The following DESI2 variants were observed in gnomAD, a reference collection of about 807,000 sequenced individuals.
DESI2 encodes the protein desumoylating isopeptidase 2, also known as deubiquitinase DESI2.
DESI2 carries 10 observed loss-of-function variants against 24.1 expected under a neutral mutation model. That is an observed-to-expected ratio of 0.41 (90% CI 0.26 to 0.70). The LOEUF is 0.70. DESI2 is among the 30% of genes least tolerant of loss of function. The pLI, the probability that DESI2 is intolerant of heterozygous loss-of-function variation, is 0.29. For synonymous variants in DESI2, 71 were observed against 87.7 expected (o/e 0.81, Z 1.06); for missense variants, 122 against 234.9 (o/e 0.52, Z 3.14).
chr1:244,687,405 C>CA (rs1004372221), intron 2 of DESI2, among the ~76,000 whole-genome samples: 27 of 152,176 alleles, frequency 1.8e-4, no homozygotes, highest in African/African-American at 5.8e-4. Context: ...CTGCGTAAGA[C>CA]AGATCACATT....
chr1:244,702,093 T>TTA (rs1426341164), intron 4 of DESI2, among the ~76,000 whole-genome samples: 1 of 152,224 alleles, frequency 6.6e-6, no homozygotes, highest in African/African-American at 2.4e-5. Flanking sequence ...GTGACCCAGT[T>TTA]TACACACACA....
intron 1 of DESI2, among the ~76,000 whole-genome samples, chr1:244,668,200 A>G (rs568048721): frequency 1.3e-5 from 2 of 152,278 alleles, no homozygotes; most frequent in South Asian, 2.1e-4. Flanking sequence ...TGTTCAATCA[A>G]AGTTGCTTTG....
At chr1:244,659,130 A>T (rs1386146873) in intron 1 of DESI2, among the ~76,000 whole-genome samples, 2 of 150,642 alleles carry the variant, frequency 1.3e-5, no homozygotes, top group African/African-American at 2.5e-5. Context: ...GCTAAGCAAA[A>T]GGACAGTTGT....
intron 1 of DESI2, among the ~76,000 whole-genome samples, chr1:244,677,261 G>A (rs1365485262): frequency 1.3e-5 from 2 of 152,086 alleles, no homozygotes; most frequent in Admixed American, 1.3e-4. Context: ...TAGATTTTCT[G>A]TATCTTCTTG....
chr1:244,677,526 A>G (rs1237659274), intron 1 of DESI2, among the ~76,000 whole-genome samples: 1 of 152,216 alleles, frequency 6.6e-6, no homozygotes, highest in Non-Finnish European at 1.5e-5. Flanking sequence ...TACTGAGTTC[A>G]TCATTATTAT....
At chr1:244,680,948 C>CT (rs34557918) in intron 1 of DESI2, among the ~76,000 whole-genome samples, 14,310 of 141,038 alleles carry the variant, frequency 0.1, 864 homozygotes, top group South Asian at 0.22. Context: ...CCTCCTTTTA[C>CT]TTTTTTTTTT....
In DESI2 at chr1:244,653,260, G is replaced by A; in HGVS notation, c.-54G>A. 3 of 1,456,448 alleles carry A rather than the reference G, an allele frequency of 2.1e-6. No homozygotes were observed. Among genetic ancestry groups the A allele is most frequent in the African/African-American group, 1.5e-5 (1 of 67,280 alleles). 90.2% of individuals were successfully genotyped at this position (1,456,448 alleles called of 1,614,324 possible). On this transcript the variant is annotated 5_prime_UTR_variant, in exon 1 of 5. Coordinates refer to ENST00000302550, the MANE Select transcript of DESI2 (RefSeq NM_016076.5). Reference sequence around the variant, plus strand: ...GCCCGCGGGGGTGAGAGCGGCCTCCGGCCCCGCGGAGACGGAGCGGCTTGA... The same window carrying A: ...GCCCGCGGGGGTGAGAGCGGCCTCCAGCCCCGCGGAGACGGAGCGGCTTGA...
At chr1:244,694,472 A>C in intron 4 of DESI2, 1 of 787,142 alleles carries the variant, frequency 1.3e-6, no homozygotes, top group Non-Finnish European at 2.3e-6. Flanking sequence ...TCTTGGGTTT[A>C]GGTGGTGTTC....
At chr1:244,653,405 C>G (rs1426905356) in intron 1 of DESI2, 50 bp downstream of exon 1, 8 of 1,529,716 alleles carry the variant, frequency 5.2e-6, no homozygotes, top group South Asian at 5.0e-5. Context: ...CCGGCTTCCT[C>G]TCGCCCGTGG....
chr1:244,692,647 CTG>C (rs927042562), intron 4 of DESI2, among the ~76,000 whole-genome samples: 1 of 152,220 alleles, frequency 6.6e-6, no homozygotes, highest in Non-Finnish European at 1.5e-5. Context: ...GCCACAGAAA[CTG>C]TGAAGGGTGT....
intron 1 of DESI2, among the ~76,000 whole-genome samples, chr1:244,672,838 T>C (rs1435814384): frequency 6.6e-6 from 1 of 151,784 alleles, no homozygotes. Context: ...GATCGCCCCA[T>C]TGCACTCCAG....
At chr1:244,699,863 G>A (rs990358914) in intron 4 of DESI2, among the ~76,000 whole-genome samples, 9 of 152,086 alleles carry the variant, frequency 5.9e-5, no homozygotes, top group Non-Finnish European at 1.2e-4. Flanking sequence ...TTTTTAAGAT[G>A]CTGCAAGCAC....
At chr1:244,682,408 C>A (rs1240145199) in intron 1 of DESI2, among the ~76,000 whole-genome samples, 1 of 152,184 alleles carries the variant, frequency 6.6e-6, no homozygotes, top group East Asian at 1.9e-4. Flanking sequence ...CTTCTCACTT[C>A]TTTTTCTATT....
intron 1 of DESI2, among the ~76,000 whole-genome samples, chr1:244,664,232 T>G (rs1259666636): frequency 2.6e-5 from 4 of 152,120 alleles, no homozygotes. Flanking sequence ...GAACAAACCT[T>G]GGGTGAGAGA....
At chr1:244,654,173 C>T in intron 1 of DESI2, 1 of 377,394 alleles carries the variant, frequency 2.6e-6, no homozygotes, top group South Asian at 2.0e-5. Flanking sequence ...CAGAAAAAAG[C>T]ACCCGGTAGA....
chr1:244,691,397 T>A (rs1278772306), intron 3 of DESI2, among the ~76,000 whole-genome samples: 1 of 150,248 alleles, frequency 6.7e-6, no homozygotes, highest in Non-Finnish European at 1.5e-5. Context: ...CCAGGGTCCT[T>A]CTTTTTAAAA....
chr1:244,653,961 C>T (rs771923988), intron 1 of DESI2: 4 of 471,044 alleles, frequency 8.5e-6, no homozygotes, highest in South Asian at 4.6e-5. Context: ...AAGAAAATAG[C>T]CCAGCTGAAT....
intron 4 of DESI2, among the ~76,000 whole-genome samples, chr1:244,699,406 C>G (rs1268505258): frequency 6.9e-6 from 1 of 145,894 alleles, no homozygotes; most frequent in Non-Finnish European, 1.5e-5. Context: ...ACAGGATGTA[C>G]AACAGGATGT....
Position 244,702,242 on chromosome 1 carries a change from G to A in DESI2, c.352-3314G>A, listed in dbSNP as rs542103176. On this transcript the variant is annotated intron_variant, in intron 4 of 4. Coordinates refer to ENST00000302550, the MANE Select transcript of DESI2 (RefSeq NM_016076.5). ...TAAAAACATTGGCTTGGCTGGGCAC[G>A]GTGGCTCACGCCTGTAATCCCGACA... Among the ~76,000 whole-genome samples, 40 of 152,312 alleles carry A rather than the reference G, an allele frequency of 2.6e-4. No homozygotes were observed. In the South Asian group the frequency reaches 5.0e-3, roughly 19 times the overall value.
Sources: gnomAD v4.1 joint callset for allele counts (sites outside exome capture counted in the v4.1 genomes callset) on GRCh38, gnomAD v4.1.1 for gene constraint, MANE v1.5 for transcripts, NCBI Gene and HGNC (gene_info 2026-07-23, HGNC 2026-07-21) for gene names.